Variants in DLG2 observed in about 807,000 individuals in gnomAD.
DLG2 encodes the protein discs large MAGUK scaffold protein 2.
Under a neutral mutation model 132.5 loss-of-function variants are expected in DLG2, and 45 were observed. The ratio of observed to expected loss-of-function variants is 0.34; its 90% CI spans 0.27 to 0.44. DLG2 has a LOEUF of 0.44. Among genes scored for constraint, DLG2 ranks in the 20% least tolerant of loss-of-function variants. The pLI is 1.00. For synonymous variants in DLG2, 424 were observed against 419.6 expected (o/e 1.01, Z -0.13); for missense variants, 1,045 against 1,196.9 (o/e 0.87, Z 1.87).
chr11:85,071,126 A>G (rs2065804780), intron 6 of DLG2, among the ~76,000 whole-genome samples: 1 of 151,912 alleles, frequency 6.6e-6, no homozygotes, highest in African/African-American at 2.4e-5. Context: ...GAATTCATCT[A>G]TATAAAGCTA....
At chr11:83,699,337 G>T (rs1016938606) in intron 18 of DLG2, among the ~76,000 whole-genome samples, 4 of 152,106 alleles carry the variant, frequency 2.6e-5, no homozygotes, top group African/African-American at 9.7e-5. Context: ...ACACTTGTAA[G>T]AAAGAATGGA....
intron 19 of DLG2, among the ~76,000 whole-genome samples, chr11:83,578,732 T>G (rs535301933): frequency 9.2e-5 from 14 of 152,304 alleles, no homozygotes; most frequent in Admixed American, 8.5e-4. Flanking sequence ...TAATAACAGC[T>G]TCAAAATACA....
At chr11:83,824,647 A>AT (rs1390449001) in intron 17 of DLG2, among the ~76,000 whole-genome samples, 1 of 152,188 alleles carries the variant, frequency 6.6e-6, no homozygotes, top group African/African-American at 2.4e-5. Context: ...CATTTAAAAA[A>AT]TTTGCTGCAG....
chr11:83,520,855 C>T (rs532281419), intron 21 of DLG2, among the ~76,000 whole-genome samples: 1 of 152,302 alleles, frequency 6.6e-6, no homozygotes, highest in African/African-American at 2.4e-5. Flanking sequence ...AACCCTCTTA[C>T]ATGTCCCACT....
chr11:84,532,265 C>G (rs2099344676), intron 7 of DLG2, among the ~76,000 whole-genome samples: 1 of 151,770 alleles, frequency 6.6e-6, no homozygotes, highest in African/African-American at 2.4e-5. Context: ...AGGCATGATC[C>G]TACTCATAAG....
intron 9 of DLG2, among the ~76,000 whole-genome samples, chr11:84,114,649 T>C (rs1323351885): frequency 6.6e-6 from 1 of 152,174 alleles, no homozygotes; most frequent in Non-Finnish European, 1.5e-5. Context: ...TTTAAAAGCA[T>C]GCACCCAGGT....
At chr11:84,220,780 C>CTTTTTT (rs5793114) in intron 8 of DLG2, among the ~76,000 whole-genome samples, 585 of 77,528 alleles carry the variant, frequency 7.5e-3, no homozygotes, top group Middle Eastern at 0.012. Flanking sequence ...TTTTTCTTTT[C>CTTTTTT]TTTTTTTTTT....
rs184250269 is a variant in DLG2 at position 85,154,408 on chromosome 11, G to A, written c.282+148C>T. The A allele has an allele frequency of 2.1e-4, 100 of 471,902 alleles. 3 individuals carry two copies. The highest frequency in any genetic ancestry group is 1.6e-3 in the African/African-American group (82 of 49,940). 29.2% of individuals were successfully genotyped at this position (471,902 alleles called of 1,614,324 possible). A position where few individuals can be genotyped will look rare whatever the true frequency, so the allele number is the denominator to read the frequency against. On this transcript the variant is annotated intron_variant, in intron 5 of 27. Coordinates refer to ENST00000376104, the MANE Select transcript of DLG2 (RefSeq NM_001142699.3). ...ACATTCAGTGTCAGCTCAGAAGCCT[G>A]AGAACCCAATATGCTGACCAGGCCA...
At chr11:84,636,876 G>A (rs2099641434) in intron 6 of DLG2, among the ~76,000 whole-genome samples, 1 of 151,726 alleles carries the variant, frequency 6.6e-6, no homozygotes, top group South Asian at 2.1e-4. Flanking sequence ...CCCACTCCAA[G>A]GTTCAAGCAA....
intron 6 of DLG2, among the ~76,000 whole-genome samples, chr11:84,985,990 T>TAAAAAAAAAAAA: frequency 1.3e-4 from 1 of 7,832 alleles, no homozygotes; most frequent in Non-Finnish European, 2.4e-4. Context: ...AGACTCCGTC[T>TAAAAAAAAAAAA]CAAAAAAAAA....
At chr11:84,325,217 A>T (rs1365942216) in intron 7 of DLG2, among the ~76,000 whole-genome samples, 1 of 151,882 alleles carries the variant, frequency 6.6e-6, no homozygotes, top group African/African-American at 2.4e-5. Context: ...TTTTTTTTAA[A>T]TTTAATTATT....
intron 17 of DLG2, among the ~76,000 whole-genome samples, chr11:83,817,983 T>TA (rs1487314712): frequency 2.2e-4 from 33 of 152,360 alleles, no homozygotes; most frequent in Non-Finnish European, 4.1e-4. Flanking sequence ...GCATCCTTTT[T>TA]ATCACACAAA....
At chr11:84,534,905 G>A in intron 6 of DLG2, 174 bp from the exon 7 acceptor site, 2 of 776,150 alleles carry the variant, frequency 2.6e-6, no homozygotes, top group Non-Finnish European at 4.6e-6. Flanking sequence ...CAGGTCAAAT[G>A]CAAGCAGAAC....
At chr11:84,005,855 C>A (rs544086791) in intron 11 of DLG2, among the ~76,000 whole-genome samples, 2 of 151,748 alleles carry the variant, frequency 1.3e-5, no homozygotes, top group Non-Finnish European at 3.0e-5. Flanking sequence ...ACAAAGGGAA[C>A]TCATACACTG....
intron 4 of DLG2, among the ~76,000 whole-genome samples, chr11:85,211,151 A>G (rs1221255061): frequency 6.6e-6 from 1 of 152,160 alleles, no homozygotes; most frequent in Admixed American, 6.6e-5. Flanking sequence ...GATGCTTGCA[A>G]AGACCAAATA....
At chr11:84,683,249 G>C (rs746384554) in intron 6 of DLG2, among the ~76,000 whole-genome samples, 2 of 152,136 alleles carry the variant, frequency 1.3e-5, no homozygotes, top group African/African-American at 4.8e-5. Context: ...CCAACTAAGA[G>C]AATTCAAATG....
At chr11:85,614,297 A>G (rs2081197225) in intron 2 of DLG2, among the ~76,000 whole-genome samples, 1 of 152,142 alleles carries the variant, frequency 6.6e-6, no homozygotes, top group Admixed American at 6.5e-5. Flanking sequence ...ATAGCAACAG[A>G]AAAGTTAGTC....
At chr11:85,133,456 G>C (rs2075895025) in intron 5 of DLG2, among the ~76,000 whole-genome samples, 2 of 152,128 alleles carry the variant, frequency 1.3e-5, no homozygotes, top group South Asian at 4.1e-4. Flanking sequence ...CAACTCACTT[G>C]CAATTACAAG....
At chr11:84,607,890 T>C (rs946826365) in intron 6 of DLG2, among the ~76,000 whole-genome samples, 4 of 152,144 alleles carry the variant, frequency 2.6e-5, no homozygotes, top group African/African-American at 9.7e-5. Flanking sequence ...CAACATCCTT[T>C]GTCCTCTGAG....
Sources: allele counts gnomAD v4.1 joint callset (sites outside exome capture counted in the v4.1 genomes callset), GRCh38; gene constraint gnomAD v4.1.1; transcripts MANE v1.5; gene names NCBI Gene and HGNC (gene_info 2026-07-23, HGNC 2026-07-21).